The following PTPRD variants were observed in gnomAD, a reference collection of about 807,000 sequenced individuals.
The protein encoded by PTPRD is protein tyrosine phosphatase receptor type D, also known as receptor-type tyrosine-protein phosphatase delta.
In PTPRD, 34 loss-of-function variants were observed where a neutral mutation model predicts 214.5. The observed-to-expected ratio is 0.16, with a 90% CI of 0.12 to 0.21. The LOEUF is 0.21. PTPRD is among the 10% of genes least tolerant of loss of function. PTPRD has a pLI of 1.00. For missense variants in PTPRD, 2,545 were observed against 2,398.7 expected, an observed-to-expected ratio of 1.06 and a Z score of -1.27; for synonymous variants, 1,128 against 845.7, an observed-to-expected ratio of 1.33 and a Z score of -5.79.
chr9:9,941,388 T>C (rs2091411309), intron 4 of PTPRD, among the ~76,000 whole-genome samples: 1 of 152,200 alleles, frequency 6.6e-6, no homozygotes, highest in Non-Finnish European at 1.5e-5. Flanking sequence ...AGTGGCATGA[T>C]CTCAGCTCGC....
intron 9 of PTPRD, among the ~76,000 whole-genome samples, chr9:9,352,563 T>A (rs1389080659): frequency 6.6e-6 from 1 of 151,872 alleles, no homozygotes; most frequent in Non-Finnish European, 1.5e-5. Flanking sequence ...CTCTGTTGCC[T>A]TCACACAAAA....
chr9:8,456,990 T>C (rs1159948326), intron 33 of PTPRD, among the ~76,000 whole-genome samples: 1 of 152,224 alleles, frequency 6.6e-6, no homozygotes, highest in Non-Finnish European at 1.5e-5. Flanking sequence ...GAATAAAGTC[T>C]GAAAAGCCTT....
chr9:9,006,188 G>C (rs1045776805), intron 11 of PTPRD, among the ~76,000 whole-genome samples: 2 of 133,498 alleles, frequency 1.5e-5, no homozygotes, highest in South Asian at 5.5e-4. Context: ...AAAGATTAGA[G>C]GTGTATCCAA....
chr9:9,038,261 G>A (rs1315598668), intron 10 of PTPRD, among the ~76,000 whole-genome samples: 2 of 152,142 alleles, frequency 1.3e-5, no homozygotes, highest in African/African-American at 4.8e-5. Flanking sequence ...ACGTTAAGGA[G>A]CATGAGCCCA....
chr9:9,032,192 C>T (rs1390351243), intron 10 of PTPRD, among the ~76,000 whole-genome samples: 1 of 151,804 alleles, frequency 6.6e-6, no homozygotes, highest in Non-Finnish European at 1.5e-5. Flanking sequence ...CTCAACAAAG[C>T]CCCTAAAAAT....
At position 9,819,963 on chromosome 9, in the gene PTPRD, C is replaced by T. The variant is rs911742329; in HGVS notation, c.-367-53112G>A. ...TAGCACTGCAATGAAAATGCGAGTA[C>T]GTGTCTTTTTGGTAGAACAGTTTGC... On this transcript the variant is annotated intron_variant, in intron 5 of 45. Transcript: ENST00000381196. Among the ~76,000 whole-genome samples, 6 of 151,984 alleles carry T rather than the reference C, an allele frequency of 3.9e-5. No homozygotes were observed. In the East Asian group the frequency reaches 5.8e-4, roughly 15 times the overall value.
chr9:10,323,253 C>T (rs1597104244), intron 3 of PTPRD, among the ~76,000 whole-genome samples: 1 of 42,526 alleles, frequency 2.4e-5, no homozygotes, highest in African/African-American at 9.5e-5. Flanking sequence ...CCCTCCCCTT[C>T]CCTTCTCTCC....
chr9:9,388,860 A>G (rs946421127), intron 9 of PTPRD, among the ~76,000 whole-genome samples: 1 of 152,192 alleles, frequency 6.6e-6, no homozygotes, highest in Non-Finnish European at 1.5e-5. Context: ...TAATGAGTAT[A>G]AGGGAATGCA....
chr9:8,496,119 G>T (rs1047267157), intron 26 of PTPRD, among the ~76,000 whole-genome samples: 7 of 149,450 alleles, frequency 4.7e-5, no homozygotes, highest in South Asian at 4.2e-4. Context: ...TCAATGACTG[G>T]TTTTGCTGTG....
At chr9:8,610,516 A>G (rs930773953) in intron 14 of PTPRD, among the ~76,000 whole-genome samples, 2 of 152,198 alleles carry the variant, frequency 1.3e-5, no homozygotes, top group Admixed American at 6.5e-5. Flanking sequence ...CTAAAAACCA[A>G]GGGCTGATGC....
intron 35 of PTPRD, among the ~76,000 whole-genome samples, chr9:8,431,671 A>T (rs1287149715): frequency 1.3e-5 from 2 of 152,184 alleles, no homozygotes; most frequent in Non-Finnish European, 2.9e-5. Flanking sequence ...CATTCCTCAA[A>T]TTGAAGTCTT....
intron 3 of PTPRD, among the ~76,000 whole-genome samples, chr9:10,100,054 A>G (rs1040463473): frequency 1.3e-5 from 2 of 151,662 alleles, no homozygotes; most frequent in African/African-American, 4.8e-5. Context: ...ATATGGGTAA[A>G]CCTTAATGAG....
In PTPRD at chr9:10,502,422, T is replaced by G. The variant is rs186631176; in HGVS notation, c.-600+109976A>C. 3.3e-4 allele frequency among the ~76,000 whole-genome samples: 50 copies of G among 152,104 alleles called. No individual in the cohort carries two copies. In the East Asian group the frequency reaches 8.1e-3, roughly 25 times the overall value. On this transcript the variant is annotated intron_variant, in intron 2 of 45. Coordinates refer to ENST00000381196, the MANE Select transcript of PTPRD (RefSeq NM_002839.4). The stretch of plus-strand genomic sequence containing the variant: ...ACATAAATATGTTATTATAATTAAT[T>G]TAGCTATTTGCAAATTTAAAATTAG...
chr9:8,946,707 T>C (rs1292154095), intron 11 of PTPRD, among the ~76,000 whole-genome samples: 2 of 152,178 alleles, frequency 1.3e-5, no homozygotes, highest in African/African-American at 4.8e-5. Context: ...GAGTCAAATG[T>C]TAACAGATCC....
At chr9:9,565,993 A>G (rs547891358) in intron 8 of PTPRD, among the ~76,000 whole-genome samples, 1 of 152,106 alleles carries the variant, frequency 6.6e-6, no homozygotes, top group South Asian at 2.1e-4. Flanking sequence ...TAAATATGCT[A>G]TGAAGGACAC....
chr9:8,580,695 T>A (rs1295823547), intron 14 of PTPRD, among the ~76,000 whole-genome samples: 2 of 152,194 alleles, frequency 1.3e-5, no homozygotes, highest in African/African-American at 4.8e-5. Flanking sequence ...AGCTAATTGG[T>A]GGTAGGACCA....
intron 2 of PTPRD, among the ~76,000 whole-genome samples, chr9:10,347,631 G>A (rs1047817824): frequency 2.8e-4 from 43 of 151,772 alleles, no homozygotes; most frequent in Admixed American, 2.2e-3. Context: ...GGCTAGTCTC[G>A]AATTCCCAAC....
chr9:9,726,064 A>T (rs1427676783), intron 7 of PTPRD, among the ~76,000 whole-genome samples: 1 of 152,180 alleles, frequency 6.6e-6, no homozygotes, highest in African/African-American at 2.4e-5. Context: ...TAAGTAGAAA[A>T]ATAAGAAATT....
intron 2 of PTPRD, among the ~76,000 whole-genome samples, chr9:10,444,700 C>G (rs1052386511): frequency 2.7e-5 from 4 of 146,338 alleles, no homozygotes; most frequent in Admixed American, 2.7e-4. Context: ...TGAGATATAA[C>G]AAAGACAAAA....
Sources: allele counts gnomAD v4.1 joint callset (sites outside exome capture counted in the v4.1 genomes callset), GRCh38; gene constraint gnomAD v4.1.1; transcripts MANE v1.5; gene names NCBI Gene and HGNC (gene_info 2026-07-23, HGNC 2026-07-21).